TJP2: variants seen among roughly 807,000 people sequenced by gnomAD.
The protein encoded by TJP2 is tight junction protein 2.
Under a neutral mutation model 133.1 loss-of-function variants are expected in TJP2, and 91 were observed. The observed-to-expected ratio is 0.68, with a 90% CI of 0.58 to 0.81. TJP2 has a LOEUF of 0.81. TJP2 is among the 40% of genes least tolerant of loss of function. The pLI is 0.00. For missense variants in TJP2, 1,541 were observed against 1,565.6 expected (o/e 0.98, Z 0.26); for synonymous variants, 592 against 583.4 (o/e 1.01, Z -0.21).
intron 1 of TJP2, among the ~76,000 whole-genome samples, chr9:69,186,927 A>AC (rs1323479976): frequency 1.3e-5 from 2 of 152,148 alleles, no homozygotes; most frequent in African/African-American, 4.8e-5. Flanking sequence ...GGAATTTGTT[A>AC]GTCACCTGGT....
At chr9:69,177,726 C>T (rs1364635261) in intron 1 of TJP2, among the ~76,000 whole-genome samples, 6 of 151,696 alleles carry the variant, frequency 4.0e-5, no homozygotes, top group African/African-American at 1.5e-4. Context: ...CTCACTGCAA[C>T]CTCTGCCTCC....
intron 8 of TJP2, 51 bp from the exon 9 acceptor site, chr9:69,227,930 A>T (rs746989607): frequency 6.2e-7 from 1 of 1,613,890 alleles, no homozygotes; most frequent in East Asian, 2.2e-5. Context: ...ACACATATGT[A>T]TTTATGAAAC....
At chr9:69,250,188 C>T (rs1194616767) in intron 20 of TJP2, among the ~76,000 whole-genome samples, 1 of 152,140 alleles carries the variant, frequency 6.6e-6, no homozygotes, top group African/African-American at 2.4e-5. Flanking sequence ...CTGCAACCTC[C>T]ACCTCCTGGG....
intron 2 of TJP2, among the ~76,000 whole-genome samples, chr9:69,214,539 C>T (rs779939444): frequency 6.6e-6 from 1 of 152,156 alleles, no homozygotes; most frequent in Non-Finnish European, 1.5e-5. Flanking sequence ...TTCATGAGAT[C>T]TCAACACATA....
chr9:69,227,108 G>A (rs1829411464), intron 7 of TJP2, among the ~76,000 whole-genome samples: 1 of 145,418 alleles, frequency 6.9e-6, no homozygotes, highest in African/African-American at 2.5e-5. Context: ...TTACGAAGTT[G>A]TAAAGCAGAC....
chr9:69,166,299 G>T (rs1198804309), intron 2 of TJP2, among the ~76,000 whole-genome samples: 1 of 151,962 alleles, frequency 6.6e-6, no homozygotes, highest in African/African-American at 2.4e-5. Context: ...ATCAGGTCTT[G>T]CTATGTTGCC....
At chr9:69,153,685 T>A (rs1429009013) in intron 2 of TJP2, among the ~76,000 whole-genome samples, 1 of 152,220 alleles carries the variant, frequency 6.6e-6, no homozygotes, top group South Asian at 2.1e-4. Context: ...CAAAGAGAGA[T>A]TGGAGCTAGC....
intron 1 of TJP2, among the ~76,000 whole-genome samples, chr9:69,190,550 C>T (rs1395292969): frequency 6.6e-6 from 1 of 152,064 alleles, no homozygotes; most frequent in African/African-American, 2.4e-5. Flanking sequence ...ATAAATAACC[C>T]AATAAAAACA....
rs72709066 is a variant in TJP2 at position 69,198,159 on chromosome 9, T to G, written c.61-14389T>G. On this transcript the variant is annotated intron_variant, in intron 1 of 22. Transcript: ENST00000377245. ...CCCAATTCTTTTTTTTTTTTTTTTT[T>G]GAGACTGAGTTTCACTCTGTCACCC... Among the ~76,000 whole-genome samples the G allele has an allele frequency of 2.1e-3, 286 of 133,074 alleles. 3 individuals carry two copies. The highest frequency in any genetic ancestry group is 2.5e-3 in the East Asian group (11 of 4,408). 87.3% of individuals were successfully genotyped at this position (133,074 alleles called of 152,430 possible).
chr9:69,253,880 G>A (rs938465823), intron 22 of TJP2: 12 of 389,600 alleles, frequency 3.1e-5, no homozygotes, highest in African/African-American at 1.8e-4. Flanking sequence ...TCTTGGTTAT[G>A]ATGGACTGAA....
At chr9:69,148,979 T>C (rs946738541) in intron 1 of TJP2, among the ~76,000 whole-genome samples, 1 of 152,140 alleles carries the variant, frequency 6.6e-6, no homozygotes, top group African/African-American at 2.4e-5. Flanking sequence ...CTATGAATCT[T>C]CCTTTTGAAA....
At chr9:69,199,409 A>T (rs1433715483) in intron 1 of TJP2, among the ~76,000 whole-genome samples, 1 of 152,042 alleles carries the variant, frequency 6.6e-6, no homozygotes, top group East Asian at 1.9e-4. Flanking sequence ...ATGTGCCTTT[A>T]AGTCCCAGCT....
rs1319293385 is a variant in TJP2, at chr9:69,237,051, C to T, written c.2094C>T (p.Asn698=). ...GCCAGAGGTCTGGGGTGAAGAAGAA[C>T]CTGAGGAAAAGTCGGGAAGACCTCA... The part of the protein sequence containing the change: ...MRGQRSGVKK[N]LRKSREDLTA... The change falls in exon 14 of 23, where the codon AAC becomes AAT. Residue 698 remains asparagine (N), a synonymous_variant. Coordinates refer to ENST00000377245, the MANE Select transcript of TJP2 (RefSeq NM_004817.4). 1.9e-6 allele frequency: 3 copies of T among 1,614,008 alleles called. No individual in the cohort carries two copies. The African/African-American group carries it at 4.0e-5, about 22-fold the overall frequency.
intron 1 of TJP2, among the ~76,000 whole-genome samples, chr9:69,197,585 T>C (rs571797736): frequency 1.1e-4 from 16 of 152,328 alleles, no homozygotes; most frequent in Admixed American, 2.6e-4. Flanking sequence ...TTGGGAGTGG[T>C]CAGCTTATTT....
intron 1 of TJP2, among the ~76,000 whole-genome samples, chr9:69,137,792 C>T (rs2133274828): frequency 6.6e-6 from 1 of 152,174 alleles, no homozygotes; most frequent in East Asian, 1.9e-4. Flanking sequence ...TGTCATTTGC[C>T]TCAGATCTTT....
Position 69,249,384 on chromosome 9 carries a change from A to G in TJP2, c.2890A>G (p.Lys964Glu). ...CCTTTATGTCTTGTAGAGCATAAGG[A>G]AACCCAGCCCAGAGCCACGAGCTCA... ...EPVQHEESIR[K>E]PSPEPRAQMR... Residue 964 changes from lysine to glutamate, a missense_variant, in exon 20 of 23, where the codon AAA becomes GAA. Physicochemically the swap from Lys to Glu is moderately conservative, Grantham distance 56. Coordinates refer to ENST00000377245, the MANE Select transcript of TJP2 (RefSeq NM_004817.4). The G allele has an allele frequency of 1.2e-6, 2 of 1,609,788 alleles. No individual in the cohort carries two copies. The highest frequency in any genetic ancestry group is 1.7e-6 in the Non-Finnish European group (2 of 1,177,736).
intron 17 of TJP2, among the ~76,000 whole-genome samples, chr9:69,245,276 A>T (rs1436645681): frequency 6.6e-6 from 1 of 152,216 alleles, no homozygotes; most frequent in Non-Finnish European, 1.5e-5. Context: ...GAAGAAAGCT[A>T]TGTTACTTGG....
chr9:69,235,324 TTTA>T (rs753485581), intron 12 of TJP2, among the ~76,000 whole-genome samples: 1 of 57,374 alleles, frequency 1.7e-5, no homozygotes, highest in African/African-American at 1.0e-4. Flanking sequence ...TATTTATTTA[TTTA>T]TTATTATTTT....
chr9:69,213,795 CAG>C, intron 2 of TJP2, among the ~76,000 whole-genome samples: 1 of 152,164 alleles, frequency 6.6e-6, no homozygotes, highest in African/African-American at 2.4e-5. Flanking sequence ...TGGCAGAGGT[CAG>C]AGATTTTTTT....
Sources: allele counts gnomAD v4.1 joint callset (sites outside exome capture counted in the v4.1 genomes callset), GRCh38; gene constraint gnomAD v4.1.1; transcripts MANE v1.5; gene names NCBI Gene and HGNC (gene_info 2026-07-23, HGNC 2026-07-21).